Variants in PRMT8 observed in about 807,000 individuals in gnomAD.
PRMT8 encodes the protein protein arginine N-methyltransferase 8.
Under a neutral mutation model 47.1 loss-of-function variants are expected in PRMT8, and 7 were observed. The ratio of observed to expected loss-of-function variants is 0.15; its 90% CI spans 0.08 to 0.28. The LOEUF is 0.28. Ranked by LOEUF, PRMT8 falls within the 10% of genes least tolerant of loss-of-function variation. The probability of loss-of-function intolerance (pLI) is 1.00; values close to 1 mark genes in which losing one functional copy is unlikely to be tolerated. For missense variants in PRMT8, 237 were observed against 505.4 expected, an observed-to-expected ratio of 0.47 and a Z score of 5.09; for synonymous variants, 188 against 186.5, an observed-to-expected ratio of 1.01 and a Z score of -0.07.
intron 1 of PRMT8, among the ~76,000 whole-genome samples, chr12:3,434,869 A>G (rs987734492): frequency 3.4e-5 from 5 of 148,324 alleles, no homozygotes; most frequent in African/African-American, 5.2e-5. Flanking sequence ...TCCCAACACA[A>G]TGCTTGACTG....
At chr12:3,395,980 C>G (rs1433969494) in intron 1 of PRMT8, among the ~76,000 whole-genome samples, 1 of 151,244 alleles carries the variant, frequency 6.6e-6, no homozygotes, top group Non-Finnish European at 1.5e-5. Context: ...CCTTCTTTGT[C>G]TCTTTTGATC....
chr12:3,507,644 C>T (rs182611561), intron 1 of PRMT8, among the ~76,000 whole-genome samples: 18 of 152,178 alleles, frequency 1.2e-4, no homozygotes, highest in African/African-American at 3.6e-4. Context: ...GTTCAGTTTT[C>T]GCCCACAGGT....
intron 1 of PRMT8, among the ~76,000 whole-genome samples, chr12:3,494,752 C>G (rs749160364): frequency 2.0e-5 from 3 of 152,178 alleles, no homozygotes; most frequent in African/African-American, 2.4e-5. Flanking sequence ...AGCTAGGGTA[C>G]GAGAGCATCA....
rs1865452405 is a variant in PRMT8, at chr12:3,493,263, G to C, written c.75+1563G>C. On this transcript the variant is annotated intron_variant, in intron 1 of 9. Transcript: ENST00000382622. The surrounding 1 kb of genome is among the most constrained non-coding windows in gnomAD (Gnocchi z 8.2). The stretch of plus-strand genomic sequence containing the variant: ...GAGCAGACATTCGGAATGATGTGTA[G>C]TGCGAGGCGGCTAGCCTCCCAGCAG... Among the ~76,000 whole-genome samples, 1 of 152,138 alleles carries C rather than the reference G, an allele frequency of 6.6e-6. No individual in the cohort carries two copies. Among genetic ancestry groups the C allele is most frequent in the Admixed American group, 6.5e-5 (1 of 15,278 alleles).
upstream of PRMT8, among the ~76,000 whole-genome samples, chr12:3,489,862 A>G (rs1243991804): frequency 1.3e-5 from 2 of 149,250 alleles, no homozygotes; most frequent in Non-Finnish European, 3.0e-5. Flanking sequence ...CACACACTCA[A>G]GCCTCTTGCT....
At chr12:3,429,676 G>A (rs1156474041) in intron 1 of PRMT8, among the ~76,000 whole-genome samples, 3 of 152,190 alleles carry the variant, frequency 2.0e-5, no homozygotes, top group African/African-American at 7.2e-5. Context: ...CCACTCAAAT[G>A]GAGTGCACAA....
In PRMT8 at chr12:3,557,347, T is replaced by C. The variant is rs760746426; in HGVS notation, c.481+3633T>C. Among the ~76,000 whole-genome samples, 4 of 151,996 alleles carry C rather than the reference T, an allele frequency of 2.6e-5. No homozygotes were observed. The South Asian group carries it at 8.3e-4, about 32-fold the overall frequency. On this transcript the variant is annotated intron_variant, in intron 4 of 9. Coordinates refer to ENST00000382622, the MANE Select transcript of PRMT8 (RefSeq NM_019854.5). The surrounding 1 kb of genome is among the most constrained non-coding windows in gnomAD (Gnocchi z 4.7). ...GGAAGTTGATGACAGTGATGGGCCG[T>C]GGGATCTAAGCTGGGCCAGGAAGGA...
chr12:3,589,933 T>G (rs1488789606), intron 8 of PRMT8, among the ~76,000 whole-genome samples: 1 of 152,134 alleles, frequency 6.6e-6, no homozygotes, highest in Non-Finnish European at 1.5e-5. Flanking sequence ...TGAGCTGGTG[T>G]AGGTGGAAGT....
At chr12:3,506,090 G>A (rs767623490) in intron 1 of PRMT8, among the ~76,000 whole-genome samples, 1 of 152,172 alleles carries the variant, frequency 6.6e-6, no homozygotes, top group Non-Finnish European at 1.5e-5. Context: ...GCAGGCTCTG[G>A]GGTTAGTGTG....
upstream of PRMT8, chr12:3,491,199 T>C: frequency 2.0e-6 from 2 of 994,580 alleles, no homozygotes; most frequent in Admixed American, 5.8e-5. Flanking sequence ...GCAGGAAGCG[T>C]GTTGCTTCGC....
At chr12:3,509,143 T>G (rs937132760) in intron 1 of PRMT8, among the ~76,000 whole-genome samples, 4 of 152,162 alleles carry the variant, frequency 2.6e-5, no homozygotes, top group Non-Finnish European at 5.9e-5. Flanking sequence ...CTCCCTTCCT[T>G]AAACCCCATC....
At chr12:3,591,098 CAG>C (rs1052391682) in intron 8 of PRMT8, among the ~76,000 whole-genome samples, 1 of 152,132 alleles carries the variant, frequency 6.6e-6, no homozygotes, top group Non-Finnish European at 1.5e-5. Flanking sequence ...GGAAGGATTT[CAG>C]AGACAGCTGC....
intron 8 of PRMT8, among the ~76,000 whole-genome samples, chr12:3,589,954 G>A (rs1404932543): frequency 2.0e-5 from 3 of 151,956 alleles, no homozygotes; most frequent in Non-Finnish European, 2.9e-5. Context: ...GGGGGCGAGA[G>A]TGCTGTCAGT....
chr12:3,553,555 C>A, intron 3 of PRMT8, 96 bp from the exon 4 acceptor site: 1 of 1,064,336 alleles, frequency 9.4e-7, no homozygotes, highest in South Asian at 1.3e-5. Flanking sequence ...AGTCACCACC[C>A]CTGTCTGGGC....
At chr12:3,504,462 T>C (rs1255816540) in intron 1 of PRMT8, among the ~76,000 whole-genome samples, 1 of 117,396 alleles carries the variant, frequency 8.5e-6, no homozygotes, top group Admixed American at 8.9e-5. Context: ...TACCCTGCCG[T>C]GTGAGGTGTC....
At chr12:3,425,323 C>T (rs1242091216) in intron 1 of PRMT8, among the ~76,000 whole-genome samples, 1 of 152,248 alleles carries the variant, frequency 6.6e-6, no homozygotes, top group Non-Finnish European at 1.5e-5. Flanking sequence ...CTTGTGCTAG[C>T]AGGGCTATTG....
intron 4 of PRMT8, among the ~76,000 whole-genome samples, chr12:3,556,651 G>A (rs1188103449): frequency 2.0e-5 from 3 of 152,180 alleles, no homozygotes; most frequent in Admixed American, 2.0e-4. Context: ...AAGGAAGGTG[G>A]CATTAAGGGA....
At chr12:3,499,221 G>A (rs1000283312) in intron 1 of PRMT8, among the ~76,000 whole-genome samples, 4 of 82,904 alleles carry the variant, frequency 4.8e-5, no homozygotes, top group Non-Finnish European at 9.3e-5. Flanking sequence ...TATACTCTAA[G>A]TTTTAGGGTA....
intron 1 of PRMT8, among the ~76,000 whole-genome samples, chr12:3,418,053 A>G (rs1009777563): frequency 5.3e-5 from 8 of 152,246 alleles, no homozygotes; most frequent in African/African-American, 1.9e-4. Flanking sequence ...CATGCAAGAT[A>G]CTTAGAACAG....
Sources: allele counts gnomAD v4.1 joint callset (sites outside exome capture counted in the v4.1 genomes callset), GRCh38; gene constraint gnomAD v4.1.1; non-coding constraint Gnocchi (gnomAD v3.1); transcripts MANE v1.5; gene names NCBI Gene and HGNC (gene_info 2026-07-23, HGNC 2026-07-21).